PUSL1: variants seen among roughly 807,000 people sequenced by gnomAD.
The protein encoded by PUSL1 is pseudouridine synthase like 1.
A neutral mutation model predicts 30.7 loss-of-function variants in PUSL1; 51 were observed. That is an observed-to-expected ratio of 1.66 (90% CI 1.33 to 2.10). The LOEUF is 2.10. Among genes scored for constraint, PUSL1 ranks in the 30% most tolerant of loss-of-function variants. The probability of loss-of-function intolerance (pLI) is 0.00; values close to 1 mark genes in which losing one functional copy is unlikely to be tolerated. For synonymous variants in PUSL1, 290 were observed against 192.1 expected, an observed-to-expected ratio of 1.51 and a Z score of -4.21; for missense variants, 609 against 427.6, an observed-to-expected ratio of 1.42 and a Z score of -3.74.
Position 1,308,923 on chromosome 1 carries a change from C to A in PUSL1, c.86C>A (p.Ala29Glu). ...QYVGTDFNGV[A>E]AVRGTQRAVG... Reference sequence around the variant, plus strand: ...CCCGCTTCTGCCCGCAGCGGGGTCGCGGCCGTCAGGGGCACTCAGCGCGCC... The same window carrying A: ...CCCGCTTCTGCCCGCAGCGGGGTCGAGGCCGTCAGGGGCACTCAGCGCGCC... The change falls in exon 2 of 8, where the codon GCG becomes GAG. Residue 29 changes from alanine to glutamate, a missense_variant. Coordinates refer to ENST00000379031, the MANE Select transcript of PUSL1 (RefSeq NM_153339.3). The A allele has an allele frequency of 7.0e-7, 1 of 1,419,566 alleles. No individual in the cohort carries two copies. Among genetic ancestry groups the A allele is most frequent in the Non-Finnish European group, 9.2e-7 (1 of 1,089,738 alleles). The allele number at this position is 1,419,566 out of a possible 1,614,324, so 87.9% of individuals were successfully genotyped here. A position where few individuals can be genotyped will look rare whatever the true frequency, so the allele number is the denominator to read the frequency against.
At chr1:1,310,245 G>C in intron 5 of PUSL1, 1 of 342,752 alleles carries the variant, frequency 2.9e-6, no homozygotes, top group East Asian at 5.2e-5. Context: ...GCCCTGAAGG[G>C]GGGAAGAACT....
chr1:1,309,095 G>T lies in PUSL1; in HGVS notation c.145G>T (p.Glu49Ter). Residue 49 changes from glutamate to a stop codon, truncating the protein, a stop_gained, in exon 3 of 8, where the codon GAG (glutamate) becomes TAG (stop). Coordinates refer to ENST00000379031, the MANE Select transcript of PUSL1 (RefSeq NM_153339.3). LOFTEE classifies it high-confidence loss of function. ...CGGCTCGGTCCTGCAGGAGGCCGCC[G>T]AGCGGCTGAATTCCGTGGAGCCGGT... ...GVQNYLEEAA[E>*]RLNSVEPVRF... The T allele has an allele frequency of 6.7e-7, 1 of 1,491,554 alleles. No individual in the cohort carries two copies. 92.4% of individuals were successfully genotyped at this position (1,491,554 alleles called of 1,614,324 possible). A position where few individuals can be genotyped will look rare whatever the true frequency, so the allele number is the denominator to read the frequency against.
intron 5 of PUSL1, 43 bp downstream of exon 5, chr1:1,309,894 G>C (rs761511790): frequency 7.0e-7 from 1 of 1,419,654 alleles, no homozygotes; most frequent in African/African-American, 1.4e-5. Flanking sequence ...CTCAAGTCAC[G>C]TGCTGATTTT....
At chr1:1,311,245 C>T (rs1014397297) in intron 7 of PUSL1, 85 bp from the exon 8 acceptor site, 10 of 1,432,906 alleles carry the variant, frequency 7.0e-6, no homozygotes, top group Non-Finnish European at 9.3e-6. Context: ...TGGCCCACTC[C>T]CTGGTCATGG....
At chr1:1,308,815 G>A in intron 1 of PUSL1, 95 bp downstream of exon 1, 2 of 1,439,334 alleles carry the variant, frequency 1.4e-6, no homozygotes, top group East Asian at 3.0e-5. Flanking sequence ...CTGGACGCGG[G>A]TTCCAAACGT....
At position 1,309,871 on chromosome 1, in the gene PUSL1, C is replaced by T. The variant is rs914620964; in HGVS notation, c.644+20C>T. ...GAGCAGGTGAGGAAGGGCCCCTGGG[C>T]TGTGGCCCTGCCCTCAAGTCACGTG... On this transcript the variant is annotated intron_variant, in intron 5 of 7. Coordinates refer to ENST00000379031, the MANE Select transcript of PUSL1 (RefSeq NM_153339.3). 4 of 1,473,308 alleles carry T rather than the reference C, an allele frequency of 2.7e-6. No homozygotes were observed. The highest frequency in any genetic ancestry group is 1.4e-5 in the African/African-American group (1 of 70,562). 91.3% of individuals were successfully genotyped at this position (1,473,308 alleles called of 1,614,324 possible).
At chr1:1,309,949 GC>G in intron 5 of PUSL1, 98 bp downstream of exon 5, 1 of 1,037,626 alleles carries the variant, frequency 9.6e-7, no homozygotes, top group African/African-American at 1.6e-5. Flanking sequence ...GAGGCGGGAG[GC>G]AGGCAGCCGG....
intron 5 of PUSL1, chr1:1,310,269 G>A: frequency 2.9e-6 from 1 of 343,378 alleles, no homozygotes; most frequent in South Asian, 5.2e-5. Flanking sequence ...GCCAGCCCCA[G>A]ACTTCTGTGG....
rs1003576339 is a variant in PUSL1, at chr1:1,309,070, C to T, written c.136-16C>T. On this transcript the variant is annotated splice_polypyrimidine_tract_variant and intron_variant, in intron 2 of 7. Coordinates refer to ENST00000379031, the MANE Select transcript of PUSL1 (RefSeq NM_153339.3). The stretch of plus-strand genomic sequence containing the variant: ...CGGCCTCGCTCACCCGCCCGCCCCG[C>T]GGCTCGGTCCTGCAGGAGGCCGCCG... 5.6e-6 allele frequency: 8 copies of T among 1,417,640 alleles called. No homozygotes were observed. The African/African-American group carries it at 9.1e-5, about 16-fold the overall frequency. 87.8% of individuals were successfully genotyped at this position (1,417,640 alleles called of 1,614,324 possible).
chr1:1,311,609 C>T lies in PUSL1; in HGVS notation c.*230C>T, dbSNP rs141683763. 5.9e-5 allele frequency: 42 copies of T among 716,514 alleles called. No individual in the cohort carries two copies. The highest frequency in any genetic ancestry group is 8.8e-5 in the Non-Finnish European group (35 of 398,648). 44.4% of individuals were successfully genotyped at this position (716,514 alleles called of 1,614,324 possible). On this transcript the variant is annotated 3_prime_UTR_variant, in exon 8 of 8. Transcript: ENST00000379031. Reference sequence around the variant, plus strand: ...AGAGAGTACCAAGTAGTCTTTTGTTCAGCTTTTACTGGAAACTGCTGTCTA... The same window carrying T: ...AGAGAGTACCAAGTAGTCTTTTGTTTAGCTTTTACTGGAAACTGCTGTCTA...
intron 7 of PUSL1, 98 bp downstream of exon 7, chr1:1,311,169 T>G: frequency 6.7e-7 from 1 of 1,483,452 alleles, no homozygotes; most frequent in Non-Finnish European, 9.1e-7. Context: ...CGGCAGCAAC[T>G]GGGGGTGAAG....
At chr1:1,310,751 G>A in intron 6 of PUSL1, 63 bp downstream of exon 6, 1 of 1,603,922 alleles carries the variant, frequency 6.2e-7, no homozygotes, top group Non-Finnish European at 8.5e-7. Context: ...CCCCTGTGCA[G>A]TCTTGGCTCT....
chr1:1,311,184 C>T (rs1642124335), intron 7 of PUSL1, 113 bp downstream of exon 7: 1 of 1,453,128 alleles, frequency 6.9e-7, no homozygotes, highest in Non-Finnish European at 9.3e-7. Context: ...GTGAAGCAGC[C>T]CCCCGCCCAG....
In PUSL1 at chr1:1,309,942, G is replaced by C. The variant is rs537871245; in HGVS notation, c.644+91G>C. On this transcript the variant is annotated intron_variant, in intron 5 of 7. Coordinates refer to ENST00000379031, the MANE Select transcript of PUSL1 (RefSeq NM_153339.3). Reference sequence around the variant, plus strand: ...TCCCCCAGTTTTAAGGCAAGGTGAGGCGGGAGGCAGGCAGCCGGGAGTCCT... The same window carrying C: ...TCCCCCAGTTTTAAGGCAAGGTGAGCCGGGAGGCAGGCAGCCGGGAGTCCT... 6.3e-6 allele frequency: 7 copies of C among 1,103,154 alleles called. No individual in the cohort carries two copies. In the South Asian group the frequency reaches 8.4e-5, roughly 13 times the overall value. 68.3% of individuals were successfully genotyped at this position (1,103,154 alleles called of 1,614,324 possible). A position where few individuals can be genotyped will look rare whatever the true frequency, so the allele number is the denominator to read the frequency against.
rs373356459 is a variant in PUSL1 at position 1,309,575 on chromosome 1, C to T, written c.445C>T (p.Arg149Cys). 10 of 1,611,942 alleles carry T rather than the reference C, an allele frequency of 6.2e-6. No individual in the cohort carries two copies. Among genetic ancestry groups the T allele is most frequent in the Admixed American group, 1.7e-5 (1 of 59,966 alleles). ...GCGTGATGAGCTGCCGGTGTTTGAA[C>T]GCAACCTATGCTGGACTCTCCCGGC... Reference protein sequence around the residue: ...HRRDELPVFERNLCWTLPADC... With the variant: ...HRRDELPVFECNLCWTLPADC... The change falls in exon 4 of 8, where the codon CGC becomes TGC. Residue 149 changes from arginine (R) to cysteine (C), a missense_variant. Arg to Cys is a radical substitution (Grantham distance 180). Transcript: ENST00000379031.
Position 1,311,551 on chromosome 1 carries a change from GCA to G in PUSL1, c.*175_*176del, listed in dbSNP as rs966851043. The G allele has an allele frequency of 6.6e-6, 5 of 752,826 alleles. No homozygotes were observed. The highest frequency in any genetic ancestry group is 1.2e-5 in the Non-Finnish European group (5 of 431,354). 46.6% of individuals were successfully genotyped at this position (752,826 alleles called of 1,614,324 possible). A position where few individuals can be genotyped will look rare whatever the true frequency, so the allele number is the denominator to read the frequency against. ...CCGTCTCTGTCCCAGGCGGGATGGG[GCA>G]CAGTGCAGGACACAGCCATGTACAC... is the stretch of plus-strand genomic sequence containing the variant. On this transcript the variant is annotated 3_prime_UTR_variant, in exon 8 of 8. Coordinates refer to ENST00000379031, the MANE Select transcript of PUSL1 (RefSeq NM_153339.3).
At position 1,310,688 on chromosome 1, in the gene PUSL1, G is replaced by C; in HGVS notation, c.699G>C (p.Gln233His). 6.2e-7 allele frequency: 1 copy of C among 1,609,532 alleles called. No homozygotes were observed. Among genetic ancestry groups the C allele is most frequent in the Non-Finnish European group, 8.5e-7 (1 of 1,177,338 alleles). ...AGAGCCAGTCTTTCCTGTATAGACA[G>C]GTAGGCTCTGTTCTGGGGCCGTCCC... is the stretch of plus-strand genomic sequence containing the variant. ...EFESQSFLYR[Q>H]VRRMTAVLVA... Residue 233 changes from glutamine (Q) to histidine (H), a missense_variant and splice_region_variant, in exon 6 of 8, where the codon CAG (glutamine) becomes CAC (histidine). Physicochemically the swap from Gln to His is conservative, Grantham distance 24. Transcript: ENST00000379031.
At chr1:1,310,229 G>T in intron 5 of PUSL1, 1 of 346,558 alleles carries the variant, frequency 2.9e-6, no homozygotes, top group South Asian at 5.1e-5. Flanking sequence ...TCCCCTATTG[G>T]GGTGAGCCCT....
At position 1,309,589 on chromosome 1, in the gene PUSL1, G is replaced by A. The variant is rs970441624; in HGVS notation, c.459G>A (p.Trp153Ter). 6.2e-7 allele frequency: 1 copy of A among 1,611,560 alleles called. No individual in the cohort carries two copies. Among genetic ancestry groups the A allele is most frequent in the Admixed American group, 1.7e-5 (1 of 59,986 alleles). The change falls in exon 4 of 8, where the codon TGG (tryptophan) becomes TGA (stop). Residue 153 changes from tryptophan to a stop codon, truncating the protein, a stop_gained. Coordinates refer to ENST00000379031, the MANE Select transcript of PUSL1 (RefSeq NM_153339.3). LOFTEE classifies it high-confidence loss of function. ...ELPVFERNLCWTLPADCLDMV... is the reference protein window; with the variant it reads ...ELPVFERNLC ...CGGTGTTTGAACGCAACCTATGCTG[G>A]ACTCTCCCGGCAGAGTGAGTGTGGC...
Sources: gnomAD v4.1 joint callset for allele counts on GRCh38, gnomAD v4.1.1 for gene constraint, MANE v1.5 for transcripts, NCBI Gene and HGNC (gene_info 2026-07-23, HGNC 2026-07-21) for gene names.